The following ST6GAL2 variants were observed in gnomAD, a reference collection of about 807,000 sequenced individuals.
ST6GAL2 encodes the protein beta-galactoside alpha-2,6-sialyltransferase 2.
In ST6GAL2, 24 loss-of-function variants were observed where a neutral mutation model predicts 37.5. That is an observed-to-expected ratio of 0.64 (90% confidence interval 0.46 to 0.90). ST6GAL2 has a LOEUF of 0.90. ST6GAL2 is among the 40% of genes least tolerant of loss of function. The pLI, the probability that ST6GAL2 is intolerant of heterozygous loss-of-function variation, is 0.00. For synonymous variants in ST6GAL2, 306 were observed against 295.1 expected (o/e 1.04, Z -0.38); for missense variants, 715 against 712.7 (o/e 1.00, Z -0.04).
chr2:106,876,586 T>C (rs1016749106), intron 1 of ST6GAL2, among the ~76,000 whole-genome samples: 1 of 152,144 alleles, frequency 6.6e-6, no homozygotes, highest in African/African-American at 2.4e-5. Context: ...ATCAGAATAG[T>C]GAGTACCCAT....
intron 1 of ST6GAL2, among the ~76,000 whole-genome samples, chr2:106,878,317 A>C (rs990549338): frequency 6.6e-6 from 1 of 151,758 alleles, no homozygotes; most frequent in African/African-American, 2.4e-5. Context: ...TTTAAAAAGT[A>C]ACCAGGTGTG....
intron 1 of ST6GAL2, among the ~76,000 whole-genome samples, chr2:106,854,300 G>A (rs376336439): frequency 1.2e-4 from 19 of 152,264 alleles, no homozygotes; most frequent in Middle Eastern, 6.8e-3. Context: ...CCTTAATTTC[G>A]GATAAGCCTC....
At chr2:106,863,856 C>T (rs1210444598) in intron 1 of ST6GAL2, among the ~76,000 whole-genome samples, 1 of 152,190 alleles carries the variant, frequency 6.6e-6, no homozygotes, top group Non-Finnish European at 1.5e-5. Flanking sequence ...CTTGGGAAGA[C>T]AGCACAGAAG....
rs1675352474 is a variant in ST6GAL2 at position 106,804,498 on chromosome 2, A to G, written c.*2180T>C. ...CCCACATTCCAGAGTTGCTGAAATT[A>G]TTACACACATGTAAACATAAGGACA... On this transcript the variant is annotated 3_prime_UTR_variant, in exon 6 of 6. Coordinates refer to ENST00000409382, the MANE Select transcript of ST6GAL2 (RefSeq NM_001142351.2). 1 of 152,268 alleles carries G rather than the reference A, an allele frequency of 6.6e-6. No homozygotes were observed. The allele number at this position is 152,268 out of a possible 1,614,324, so 9.4% of individuals were successfully genotyped here.
chr2:106,803,066 G>A lies in ST6GAL2; in HGVS notation c.*3612C>T, dbSNP rs144055765. 25 of 152,294 alleles carry A rather than the reference G, an allele frequency of 1.6e-4. No homozygotes were observed. The highest frequency in any genetic ancestry group is 4.6e-4 in the African/African-American group (19 of 41,574). 9.4% of individuals were successfully genotyped at this position (152,294 alleles called of 1,614,324 possible). A position where few individuals can be genotyped will look rare whatever the true frequency, so the allele number is the denominator to read the frequency against. On this transcript the variant is annotated 3_prime_UTR_variant, in exon 6 of 6. Coordinates refer to ENST00000409382, the MANE Select transcript of ST6GAL2 (RefSeq NM_001142351.2). ...CTGCTCAGAAGAGTCAATCAGCAGC[G>A]TAAGTATGATCTGTCCAGCAGAATT...
At chr2:106,809,121 G>T (rs947977198) in intron 5 of ST6GAL2, among the ~76,000 whole-genome samples, 1 of 152,204 alleles carries the variant, frequency 6.6e-6, no homozygotes, top group Non-Finnish European at 1.5e-5. Context: ...AGCTGAGGAC[G>T]GCTTCATGTT....
rs552599637 is a variant in ST6GAL2, at chr2:106,810,190, C to T, written c.1319-3241G>A. ...CCTTGCTGCTAGTTAACCGTTAAAT[C>T]GTGTTATCTGCTAAATATACAATAT... On this transcript the variant is annotated intron_variant, in intron 5 of 5. Coordinates refer to ENST00000409382, the MANE Select transcript of ST6GAL2 (RefSeq NM_001142351.2). Among the ~76,000 whole-genome samples, 23 of 152,256 alleles carry T rather than the reference C, an allele frequency of 1.5e-4. No homozygotes were observed. In the South Asian group the frequency reaches 2.1e-3, roughly 14 times the overall value.
chr2:106,875,957 CAGTT>C (rs1239887293), intron 1 of ST6GAL2, among the ~76,000 whole-genome samples: 1 of 152,114 alleles, frequency 6.6e-6, no homozygotes, highest in African/African-American at 2.4e-5. Context: ...AAATTAAACT[CAGTT>C]AGTAGATTTC....
chr2:106,823,442 AACACACACACACACACAC>A (rs60795605), intron 5 of ST6GAL2, among the ~76,000 whole-genome samples: 19,569 of 101,842 alleles, frequency 0.19, 1,885 homozygotes, highest in East Asian at 0.55. Flanking sequence ...CCCAGCAGAA[AACACACACACACACACAC>A]ACACACACAC....
At chr2:106,816,739 C>CA (rs1332307553) in intron 5 of ST6GAL2, among the ~76,000 whole-genome samples, 3 of 152,082 alleles carry the variant, frequency 2.0e-5, no homozygotes, top group East Asian at 1.9e-4. Flanking sequence ...ACTATCCACA[C>CA]AAAAAAAGCA....
intron 5 of ST6GAL2, among the ~76,000 whole-genome samples, chr2:106,829,610 C>T (rs1676335003): frequency 6.6e-6 from 1 of 152,084 alleles, no homozygotes; most frequent in Non-Finnish European, 1.5e-5. Flanking sequence ...CTGTCCTGAC[C>T]CATAAAACCA....
Position 106,843,386 on chromosome 2 carries a change from A to G in ST6GAL2, c.592T>C (p.Ser198Pro), listed in dbSNP as rs1676993354. The change falls in exon 2 of 6, where the codon TCC (serine) becomes CCC (proline). Residue 198 changes from serine (S) to proline (P), a missense_variant. Ser to Pro is a moderately conservative substitution (Grantham distance 74). Coordinates refer to ENST00000409382, the MANE Select transcript of ST6GAL2 (RefSeq NM_001142351.2). ...EGDDGDRLYS[S>P]MSRAFLYRLW... is the part of the protein sequence containing the mutation. ...CGGTACAGGAAGGCCCTGGACATGGAGGAGTACAGCCTGTCGCCGTCGTCG... is the reference window on the plus strand; with the variant it reads ...CGGTACAGGAAGGCCCTGGACATGGGGGAGTACAGCCTGTCGCCGTCGTCG... The G allele has an allele frequency of 1.2e-6, 2 of 1,613,318 alleles. No individual in the cohort carries two copies. The highest frequency in any genetic ancestry group is 4.5e-5 in the East Asian group (2 of 44,840).
intron 1 of ST6GAL2, among the ~76,000 whole-genome samples, chr2:106,852,833 C>T (rs189190286): frequency 7.2e-5 from 11 of 152,272 alleles, no homozygotes; most frequent in East Asian, 1.9e-4. Flanking sequence ...GCACGAGCAG[C>T]GAAGGTATCC....
chr2:106,821,300 G>C (rs1402556066), intron 5 of ST6GAL2, among the ~76,000 whole-genome samples: 1 of 151,316 alleles, frequency 6.6e-6, no homozygotes, highest in African/African-American at 2.4e-5. Context: ...TGAAAAAGGA[G>C]ACATAATACA....
At chr2:106,831,945 A>G (rs1432717034) in intron 4 of ST6GAL2, among the ~76,000 whole-genome samples, 3 of 152,260 alleles carry the variant, frequency 2.0e-5, no homozygotes, top group African/African-American at 7.2e-5. Flanking sequence ...GCTTTTCATG[A>G]AAGGTTTCAC....
intron 5 of ST6GAL2, among the ~76,000 whole-genome samples, chr2:106,807,154 C>CTATA (rs139222860): frequency 6.7e-6 from 1 of 150,364 alleles, no homozygotes; most frequent in Non-Finnish European, 1.5e-5. Flanking sequence ...AAATGTAACA[C>CTATA]TATATATATA....
At chr2:106,839,616 C>T (rs1025024547) in intron 2 of ST6GAL2, among the ~76,000 whole-genome samples, 1 of 152,040 alleles carries the variant, frequency 6.6e-6, no homozygotes, top group African/African-American at 2.4e-5. Context: ...AATCTCAAGC[C>T]CTCTCCACCA....
At chr2:106,821,020 T>A (rs1359487014) in intron 5 of ST6GAL2, among the ~76,000 whole-genome samples, 1 of 152,016 alleles carries the variant, frequency 6.6e-6, no homozygotes, top group Non-Finnish European at 1.5e-5. Flanking sequence ...GGAAAGTTTA[T>A]AGCTATAAGC....
At chr2:106,856,373 C>T (rs1283709529) in intron 1 of ST6GAL2, among the ~76,000 whole-genome samples, 1 of 152,118 alleles carries the variant, frequency 6.6e-6, no homozygotes, top group Non-Finnish European at 1.5e-5. Flanking sequence ...CTGAGAGACA[C>T]GGATCATGGT....
Sources: gnomAD v4.1 joint callset for allele counts (sites outside exome capture counted in the v4.1 genomes callset) on GRCh38, gnomAD v4.1.1 for gene constraint, MANE v1.5 for transcripts, NCBI Gene and HGNC (gene_info 2026-07-23, HGNC 2026-07-21) for gene names.